The following EXOC4 variants were observed in gnomAD, a reference collection of about 807,000 sequenced individuals.
EXOC4 encodes the protein exocyst complex component 4.
Under a neutral mutation model 107.2 loss-of-function variants are expected in EXOC4, and 71 were observed. The ratio of observed to expected loss-of-function variants is 0.66; its 90% CI spans 0.55 to 0.81. The LOEUF (loss-of-function observed/expected upper bound fraction) is 0.81, where lower values mean the gene tolerates loss of function less well. Among genes scored for constraint, EXOC4 ranks in the 30% least tolerant of loss-of-function variants. The pLI is 0.00. For missense variants in EXOC4, 1,108 were observed against 1,189.6 expected, an observed-to-expected ratio of 0.93 and a Z score of 1.01; for synonymous variants, 456 against 441.2, an observed-to-expected ratio of 1.03 and a Z score of -0.42.
At chr7:134,012,270 G>T (rs971729300) in intron 17 of EXOC4, among the ~76,000 whole-genome samples, 1 of 152,174 alleles carries the variant, frequency 6.6e-6, no homozygotes, top group African/African-American at 2.4e-5. Flanking sequence ...GTAGGCAAAG[G>T]CAGAAGCAGG....
intron 9 of EXOC4, among the ~76,000 whole-genome samples, chr7:133,611,716 C>T (rs1056962791): frequency 1.1e-4 from 16 of 152,108 alleles, no homozygotes; most frequent in African/African-American, 3.9e-4. Context: ...TTCTTCAGGT[C>T]TCTGTGTGTC....
intron 10 of EXOC4, among the ~76,000 whole-genome samples, chr7:133,637,810 T>G (rs1303996952): frequency 6.6e-6 from 1 of 152,130 alleles, no homozygotes; most frequent in African/African-American, 2.4e-5. Flanking sequence ...TTAAAAAATT[T>G]CATTCTAAAC....
At chr7:133,497,391 T>C (rs1799497817) in intron 9 of EXOC4, among the ~76,000 whole-genome samples, 1 of 152,128 alleles carries the variant, frequency 6.6e-6, no homozygotes. Context: ...AAACAACTCT[T>C]TTCCCTACCT....
chr7:133,712,598 G>T, intron 10 of EXOC4, among the ~76,000 whole-genome samples: 1 of 151,498 alleles, frequency 6.6e-6, no homozygotes, highest in East Asian at 1.9e-4. Flanking sequence ...TTCACTCCTA[G>T]ATATATATAC....
At chr7:133,494,144 A>C (rs925908246) in intron 9 of EXOC4, among the ~76,000 whole-genome samples, 7 of 152,230 alleles carry the variant, frequency 4.6e-5, no homozygotes, top group African/African-American at 1.7e-4. Context: ...ATGCAGTTGT[A>C]ATCCTTTAAC....
intron 9 of EXOC4, among the ~76,000 whole-genome samples, chr7:133,610,235 A>G (rs937017948): frequency 6.6e-6 from 1 of 152,182 alleles, no homozygotes; most frequent in African/African-American, 2.4e-5. Context: ...ATCCCAGGGT[A>G]TTTTGATGAA....
At chr7:133,837,634 A>G (rs6944452) in intron 11 of EXOC4, among the ~76,000 whole-genome samples, 94,568 of 152,046 alleles carry the variant, frequency 0.62, 32,098 homozygotes, top group African/African-American at 0.91. Context: ...TATCAAAGCA[A>G]CAAAACTTTC....
intron 10 of EXOC4, among the ~76,000 whole-genome samples, chr7:133,667,051 A>G (rs1412656715): frequency 6.6e-6 from 1 of 152,032 alleles, no homozygotes; most frequent in East Asian, 1.9e-4. Flanking sequence ...CTAGGAAATA[A>G]TTTATATATA....
At chr7:133,377,623 G>A (rs1297581416) in intron 7 of EXOC4, among the ~76,000 whole-genome samples, 1 of 152,092 alleles carries the variant, frequency 6.6e-6, no homozygotes, top group Non-Finnish European at 1.5e-5. Flanking sequence ...AGGAGAAATG[G>A]TGACCAAAAA....
At chr7:133,991,179 A>G (rs569366746) in intron 14 of EXOC4, among the ~76,000 whole-genome samples, 1 of 151,724 alleles carries the variant, frequency 6.6e-6, no homozygotes, top group East Asian at 1.9e-4. Context: ...GATGTTAAGC[A>G]TTTTTTTCAT....
chr7:133,463,329 A>G (rs1017945), intron 7 of EXOC4, among the ~76,000 whole-genome samples: 117,626 of 151,930 alleles, frequency 0.77, 46,178 homozygotes, highest in East Asian at 0.95. Context: ...AGGTGGTAAT[A>G]GAGAGTTTAC....
intron 10 of EXOC4, among the ~76,000 whole-genome samples, chr7:133,660,423 G>A (rs990568763): frequency 1.3e-5 from 2 of 152,172 alleles, no homozygotes; most frequent in African/African-American, 2.4e-5. Context: ...GAATAAGCAG[G>A]AGAAAAGAAT....
chr7:133,526,029 T>C (rs1423103903), intron 9 of EXOC4, among the ~76,000 whole-genome samples: 1 of 152,192 alleles, frequency 6.6e-6, no homozygotes, highest in Non-Finnish European at 1.5e-5. Flanking sequence ...CTTTCTTTCC[T>C]AAAGGGCTGA....
intron 9 of EXOC4, among the ~76,000 whole-genome samples, chr7:133,490,213 C>T (rs142584951): frequency 6.6e-5 from 10 of 152,264 alleles, no homozygotes; most frequent in African/African-American, 2.4e-4. Context: ...CGCATCATCC[C>T]GGACTTCTGC....
intron 7 of EXOC4, among the ~76,000 whole-genome samples, chr7:133,415,414 C>T (rs1429336833): frequency 6.6e-6 from 1 of 152,108 alleles, no homozygotes; most frequent in Non-Finnish European, 1.5e-5. Flanking sequence ...TTCTCCATAT[C>T]CTTGTTGATA....
intron 9 of EXOC4, among the ~76,000 whole-genome samples, chr7:133,533,299 T>C (rs1800213979): frequency 6.6e-6 from 1 of 152,152 alleles, no homozygotes; most frequent in Admixed American, 6.5e-5. Context: ...ACTTCTCTAA[T>C]TTATTCTTTG....
At chr7:133,420,565 C>T (rs1178057105) in intron 7 of EXOC4, among the ~76,000 whole-genome samples, 1 of 152,058 alleles carries the variant, frequency 6.6e-6, no homozygotes, top group Admixed American at 6.6e-5. Context: ...AAAAGCAAGT[C>T]ACAGTTCCCT....
Position 134,038,124 on chromosome 7 carries a change from T to C in EXOC4, c.2688-26167T>C, listed in dbSNP as rs557908463. On this transcript the variant is annotated intron_variant, in intron 17 of 17. Transcript: ENST00000253861. The stretch of plus-strand genomic sequence containing the variant: ...TTTCCTGAGGCTAGTCTGAGAAGCA[T>C]GGGCTAAGGAGTCGCAGTATCGATT... Among the ~76,000 whole-genome samples the C allele has an allele frequency of 1.2e-4, 19 of 152,276 alleles. 1 individual carries two copies. The South Asian group carries it at 3.1e-3, about 25-fold the overall frequency.
intron 9 of EXOC4, among the ~76,000 whole-genome samples, chr7:133,616,993 G>A (rs1802208405): frequency 6.6e-6 from 1 of 152,110 alleles, no homozygotes; most frequent in Non-Finnish European, 1.5e-5. Context: ...AGAAATAGAA[G>A]TCCCAGATAG....
Sources: gnomAD v4.1 joint callset for allele counts (sites outside exome capture counted in the v4.1 genomes callset) on GRCh38, gnomAD v4.1.1 for gene constraint, MANE v1.5 for transcripts, NCBI Gene and HGNC (gene_info 2026-07-23, HGNC 2026-07-21) for gene names.